Variants in GPC6 observed in about 807,000 individuals in gnomAD.
GPC6 encodes glypican 6.
In GPC6, 14 loss-of-function variants were observed where a neutral mutation model predicts 55.2. That is an observed-to-expected ratio of 0.25 (90% confidence interval 0.17 to 0.40). The LOEUF is 0.40. GPC6 is among the 10% of genes least tolerant of loss of function. GPC6 has a pLI of 1.00. For synonymous variants in GPC6, 278 were observed against 259.6 expected, an observed-to-expected ratio of 1.07 and a Z score of -0.68; for missense variants, 641 against 708.5, an observed-to-expected ratio of 0.90 and a Z score of 1.08.
At chr13:94,349,373 G>A (rs1878428853) in intron 6 of GPC6, among the ~76,000 whole-genome samples, 1 of 151,928 alleles carries the variant, frequency 6.6e-6, no homozygotes, top group African/African-American at 2.4e-5. Flanking sequence ...CATCCCTTTT[G>A]GTTTCAGCTT....
At chr13:93,881,513 A>T (rs1239591946) in intron 3 of GPC6, among the ~76,000 whole-genome samples, 1 of 152,048 alleles carries the variant, frequency 6.6e-6, no homozygotes, top group Non-Finnish European at 1.5e-5. Context: ...CATTTTTCCA[A>T]GCAGCCTTGG....
At chr13:94,104,308 T>A (rs778738695) in intron 4 of GPC6, among the ~76,000 whole-genome samples, 3 of 152,076 alleles carry the variant, frequency 2.0e-5, no homozygotes, top group Admixed American at 6.6e-5. Flanking sequence ...TAGGTATTGA[T>A]TGGACATATC....
Position 93,736,158 on chromosome 13 carries a change from G to A in GPC6, c.320-93996G>A, listed in dbSNP as rs1166332418. ...CATACCATATTATGGAAGGCTCTCA[G>A]GGGCCCAGACAGTCACATGTTAAAT... On this transcript the variant is annotated intron_variant, in intron 2 of 8. Coordinates refer to ENST00000377047, the MANE Select transcript of GPC6 (RefSeq NM_005708.5). Among the ~76,000 whole-genome samples, 5 of 152,300 alleles carry A rather than the reference G, an allele frequency of 3.3e-5. No individual in the cohort carries two copies. The East Asian group carries it at 9.7e-4, about 29-fold the overall frequency.
In GPC6 at chr13:93,878,668, G is replaced by A. The variant is rs556721458; in HGVS notation, c.711+48123G>A. Among the ~76,000 whole-genome samples the A allele has an allele frequency of 1.6e-4, 25 of 152,164 alleles. 1 individual carries two copies. Among genetic ancestry groups the A allele is most frequent in the South Asian group, 1.0e-3 (5 of 4,830 alleles). ...GCTAGGATTAAAGGCATGAGCCACC[G>A]CTCCTGGCCTACCCTTCAGACTCTT... On this transcript the variant is annotated intron_variant, in intron 3 of 8. Coordinates refer to ENST00000377047, the MANE Select transcript of GPC6 (RefSeq NM_005708.5).
At chr13:93,875,552 CG>C (rs1889266423) in intron 3 of GPC6, among the ~76,000 whole-genome samples, 1 of 152,036 alleles carries the variant, frequency 6.6e-6, no homozygotes, top group African/African-American at 2.4e-5. Context: ...AGGTAAGATG[CG>C]TCAGGTCCCT....
chr13:93,460,621 G>A (rs1411767656), intron 1 of GPC6, among the ~76,000 whole-genome samples: 2 of 152,118 alleles, frequency 1.3e-5, no homozygotes, highest in African/African-American at 4.8e-5. Flanking sequence ...AACTCTTGAT[G>A]TATTGGAAAA....
intron 2 of GPC6, among the ~76,000 whole-genome samples, chr13:93,632,615 A>ATG (rs141057605): frequency 0.039 from 4,230 of 109,716 alleles, 286 homozygotes; most frequent in African/African-American, 0.11. Flanking sequence ...GTGTATATAT[A>ATG]TGTATATATA....
intron 1 of GPC6, among the ~76,000 whole-genome samples, chr13:93,481,681 T>G (rs1196855398): frequency 6.6e-6 from 1 of 152,086 alleles, no homozygotes; most frequent in Non-Finnish European, 1.5e-5. Flanking sequence ...GCAGAATCAT[T>G]TGTTGAATAC....
intron 4 of GPC6, among the ~76,000 whole-genome samples, chr13:94,067,453 A>C (rs1884556371): frequency 6.6e-6 from 1 of 151,168 alleles, no homozygotes; most frequent in Non-Finnish European, 1.5e-5. Context: ...ATGGTCATGA[A>C]ACATAGGCCT....
At chr13:94,391,946 T>G (rs1566751850) in intron 7 of GPC6, among the ~76,000 whole-genome samples, 2 of 152,244 alleles carry the variant, frequency 1.3e-5, no homozygotes, top group Non-Finnish European at 2.9e-5. Flanking sequence ...TCCTCAAGGT[T>G]CATCTATGTG....
chr13:93,261,098 T>C (rs1028444637), intron 1 of GPC6, among the ~76,000 whole-genome samples: 1 of 152,170 alleles, frequency 6.6e-6, no homozygotes, highest in African/African-American at 2.4e-5. Context: ...CCTAGAGATA[T>C]TACCATGTCT....
chr13:93,876,214 C>A (rs201381017), intron 3 of GPC6, among the ~76,000 whole-genome samples: 1 of 127,138 alleles, frequency 7.9e-6, no homozygotes, highest in Non-Finnish European at 1.9e-5. Flanking sequence ...ATAATAAATG[C>A]TTCATATAAT....
rs71811304 is a variant in GPC6 at position 93,726,103 on chromosome 13, T to TACACACACACAC, written c.320-104013_320-104002dup. ...TGCAAAATAAAGACTTTTTCCTTCA[T>TACACACACACAC]ACACACACACACACACACACACACA... is the stretch of plus-strand genomic sequence containing the variant. On this transcript the variant is annotated intron_variant, in intron 2 of 8. Transcript: ENST00000377047. 8.4e-3 allele frequency among the ~76,000 whole-genome samples: 1,063 copies of TACACACACACAC among 126,826 alleles called. 9 individuals carry two copies. Among genetic ancestry groups the TACACACACACAC allele is most frequent in the Non-Finnish European group, 0.013 (753 of 59,636 alleles). 83.2% of individuals were successfully genotyped at this position (126,826 alleles called of 152,430 possible). A position where few individuals can be genotyped will look rare whatever the true frequency, so the allele number is the denominator to read the frequency against.
chr13:93,354,103 G>A (rs929447400), intron 1 of GPC6, among the ~76,000 whole-genome samples: 2 of 152,084 alleles, frequency 1.3e-5, no homozygotes, highest in Non-Finnish European at 2.9e-5. Flanking sequence ...CTAACCCTAA[G>A]CCTTTATCTG....
At chr13:94,317,885 GTTTC>G (rs1378948496) in intron 6 of GPC6, among the ~76,000 whole-genome samples, 1 of 151,982 alleles carries the variant, frequency 6.6e-6, no homozygotes. Flanking sequence ...ATGTGTGTGT[GTTTC>G]TTTTTTAATT....
chr13:93,298,306 A>G (rs369437767), intron 1 of GPC6, among the ~76,000 whole-genome samples: 16 of 152,308 alleles, frequency 1.1e-4, no homozygotes, highest in African/African-American at 3.6e-4. Context: ...CCAGTCCCTC[A>G]GTTTAATAGT....
intron 1 of GPC6, among the ~76,000 whole-genome samples, chr13:93,295,664 G>T (rs1179769873): frequency 6.6e-6 from 1 of 151,858 alleles, no homozygotes; most frequent in Non-Finnish European, 1.5e-5. Context: ...TGTATTTTTA[G>T]TAGAGACGGG....
intron 1 of GPC6, among the ~76,000 whole-genome samples, chr13:93,500,662 A>C (rs1226386830): frequency 2.0e-5 from 3 of 152,330 alleles, no homozygotes; most frequent in East Asian, 3.9e-4. Flanking sequence ...TAAAGTTTTT[A>C]AACAGCTCTG....
At chr13:93,699,742 A>T (rs1882603830) in intron 2 of GPC6, among the ~76,000 whole-genome samples, 1 of 152,150 alleles carries the variant, frequency 6.6e-6, no homozygotes, top group African/African-American at 2.4e-5. Flanking sequence ...TGATTCTATT[A>T]CTATGGATAT....
Sources: gnomAD v4.1 joint callset for allele counts (sites outside exome capture counted in the v4.1 genomes callset) on GRCh38, gnomAD v4.1.1 for gene constraint, MANE v1.5 for transcripts, NCBI Gene and HGNC (gene_info 2026-07-23, HGNC 2026-07-21) for gene names.